The following IQCH variants were observed in gnomAD, a reference collection of about 807,000 sequenced individuals.
IQCH encodes the protein IQ domain-containing protein H.
IQCH carries 98 observed loss-of-function variants against 117.0 expected under a neutral mutation model. The observed-to-expected ratio is 0.84, with a 90% CI of 0.71 to 0.99. IQCH has a LOEUF of 0.99. Among genes scored for constraint, IQCH ranks in the 50% least tolerant of loss-of-function variants. The pLI, the probability that IQCH is intolerant of heterozygous loss-of-function variation, is 0.00. For missense variants in IQCH, 1,102 were observed against 1,243.8 expected (o/e 0.89, Z 1.72); for synonymous variants, 412 against 448.2 (o/e 0.92, Z 1.02).
At position 67,340,337 on chromosome 15, in the gene IQCH, A is replaced by C. The variant is rs186373060; in HGVS notation, c.508+3242A>C. ...CAGCTACTCTGGAGGCTGAGGCATG[A>C]GAATTGCTTGAACCCGGGAGGCAGA... On this transcript the variant is annotated intron_variant, in intron 5 of 20. Coordinates refer to ENST00000335894, the MANE Select transcript of IQCH (RefSeq NM_001031715.3). Among the ~76,000 whole-genome samples the C allele has an allele frequency of 5.8e-3, 856 of 147,668 alleles. 6 individuals carry two copies. The highest frequency in any genetic ancestry group is 0.02 in the African/African-American group (809 of 40,414).
chr15:67,488,489 C>T lies in IQCH; in HGVS notation c.2800-1514C>T, dbSNP rs1004528672. 3.3e-5 allele frequency among the ~76,000 whole-genome samples: 5 copies of T among 152,316 alleles called. No individual in the cohort carries two copies. The South Asian group carries it at 6.2e-4, about 19-fold the overall frequency. ...AAAGGGAAATCAACTGAGCCTTTAT[C>T]AGACTAGACAGAATTTGCTTGTCTA... On this transcript the variant is annotated intron_variant, in intron 18 of 20. Coordinates refer to ENST00000335894, the MANE Select transcript of IQCH (RefSeq NM_001031715.3).
rs2082855329 is a variant in IQCH at position 67,463,603 on chromosome 15, T to C, written c.2506-1524T>C. ...TAGGCTACCACAGAGATCTGAGATA[T>C]TTATGATTCACCCAGCTTCATAAAA... On this transcript the variant is annotated intron_variant, in intron 16 of 20. Coordinates refer to ENST00000335894, the MANE Select transcript of IQCH (RefSeq NM_001031715.3). The surrounding 1 kb of genome is among the most constrained non-coding windows in gnomAD (Gnocchi z 4.0). Among the ~76,000 whole-genome samples, 1 of 152,188 alleles carries C rather than the reference T, an allele frequency of 6.6e-6. No homozygotes were observed. The highest frequency in any genetic ancestry group is 6.5e-5 in the Admixed American group (1 of 15,282).
intron 8 of IQCH, among the ~76,000 whole-genome samples, chr15:67,368,756 T>C (rs972695499): frequency 6.6e-6 from 1 of 152,228 alleles, no homozygotes; most frequent in Admixed American, 6.5e-5. Context: ...ATCCTGCTTG[T>C]ATCTGATTAT....
chr15:67,483,671 C>T (rs945957985), intron 18 of IQCH, among the ~76,000 whole-genome samples: 7 of 152,086 alleles, frequency 4.6e-5, no homozygotes, highest in East Asian at 1.9e-4. Flanking sequence ...GTGATCCGCC[C>T]GCCTCGGCCT....
At chr15:67,326,036 G>A (rs541537275) in intron 4 of IQCH, among the ~76,000 whole-genome samples, 52 of 152,224 alleles carry the variant, frequency 3.4e-4, no homozygotes, top group African/African-American at 1.1e-3. Context: ...TTGCATGTGT[G>A]TGCGTGTGCC....
intron 12 of IQCH, among the ~76,000 whole-genome samples, chr15:67,394,133 C>A (rs1034470003): frequency 9.9e-5 from 15 of 152,140 alleles, no homozygotes; most frequent in Non-Finnish European, 1.9e-4. Context: ...GGAAAACAAT[C>A]TTGGATTATT....
intron 16 of IQCH, among the ~76,000 whole-genome samples, chr15:67,444,033 A>G (rs2082339130): frequency 6.6e-6 from 1 of 152,212 alleles, no homozygotes; most frequent in African/African-American, 2.4e-5. Context: ...CTCTCACAAC[A>G]AATACTGTGG....
At chr15:67,306,092 T>C (rs959053048) in intron 4 of IQCH, among the ~76,000 whole-genome samples, 15 of 152,240 alleles carry the variant, frequency 9.9e-5, no homozygotes, top group African/African-American at 3.6e-4. Context: ...TGTTGGCCTT[T>C]TGATCAAATA....
At chr15:67,444,733 G>C (rs1368367924) in intron 16 of IQCH, among the ~76,000 whole-genome samples, 2 of 152,110 alleles carry the variant, frequency 1.3e-5, no homozygotes, top group Non-Finnish European at 2.9e-5. Flanking sequence ...AACACATATG[G>C]ATATCAAAAT....
rs1328816191 is a variant in IQCH, at chr15:67,342,395, A to AT, written c.509-1662dup. ...CTCTTCTGCTTGTTCGAAAATCTTA[A>AT]TTTTTTCCTTCCAATAGTAGATGGG... On this transcript the variant is annotated intron_variant, in intron 5 of 20. Transcript: ENST00000335894. This position sits in a 1 kb window ranked among gnomAD's most constrained non-coding sequence, Gnocchi z 4.7. Among the ~76,000 whole-genome samples, 2 of 152,016 alleles carry AT rather than the reference A, an allele frequency of 1.3e-5. No individual in the cohort carries two copies. Among genetic ancestry groups the AT allele is most frequent in the East Asian group, 1.9e-4 (1 of 5,186 alleles).
chr15:67,421,715 C>T, intron 16 of IQCH, 138 bp downstream of exon 16: 2 of 856,100 alleles, frequency 2.3e-6, no homozygotes, highest in Admixed American at 2.6e-5. Context: ...AATTCAACAC[C>T]TATATGGCCC....
intron 4 of IQCH, among the ~76,000 whole-genome samples, chr15:67,284,620 C>T (rs558084410): frequency 6.6e-6 from 1 of 152,230 alleles, no homozygotes; most frequent in Admixed American, 6.5e-5. Context: ...TTCCACCCTC[C>T]TCCCTCCAAT....
At chr15:67,392,635 G>A (rs2140848472) in intron 12 of IQCH, among the ~76,000 whole-genome samples, 1 of 151,914 alleles carries the variant, frequency 6.6e-6, no homozygotes, top group African/African-American at 2.4e-5. Context: ...AAATTAGCTG[G>A]GCATGGTGGC....
At chr15:67,478,218 C>G (rs2083253130) in intron 18 of IQCH, among the ~76,000 whole-genome samples, 1 of 151,874 alleles carries the variant, frequency 6.6e-6, no homozygotes, top group Non-Finnish European at 1.5e-5. Context: ...AACTCCGTCT[C>G]TACTGAAAAT....
intron 16 of IQCH, among the ~76,000 whole-genome samples, chr15:67,437,855 A>T (rs2082175116): frequency 6.6e-6 from 1 of 152,168 alleles, no homozygotes; most frequent in Non-Finnish European, 1.5e-5. Context: ...CAAAGAAAAA[A>T]GAATAAGAAA....
chr15:67,409,284 G>A (rs1178541738), intron 14 of IQCH, among the ~76,000 whole-genome samples: 2 of 152,142 alleles, frequency 1.3e-5, no homozygotes, highest in South Asian at 2.1e-4. Context: ...ATTTCAAGAA[G>A]CATTTAATCT....
chr15:67,392,219 C>T (rs1024274105), intron 12 of IQCH, among the ~76,000 whole-genome samples: 3 of 152,214 alleles, frequency 2.0e-5, no homozygotes, highest in Non-Finnish European at 4.4e-5. Context: ...ATCTTGTGAA[C>T]TTACCATGAT....
chr15:67,490,118 C>T lies in IQCH; in HGVS notation c.2861+54C>T, dbSNP rs2083607889. The T allele has an allele frequency of 1.7e-6, 2 of 1,155,842 alleles. No individual in the cohort carries two copies. The highest frequency in any genetic ancestry group is 2.6e-6 in the Non-Finnish European group (2 of 770,640). 71.6% of individuals were successfully genotyped at this position (1,155,842 alleles called of 1,614,324 possible). A position where few individuals can be genotyped will look rare whatever the true frequency, so the allele number is the denominator to read the frequency against. On this transcript the variant is annotated intron_variant, in intron 19 of 20. Coordinates refer to ENST00000335894, the MANE Select transcript of IQCH (RefSeq NM_001031715.3). This position sits in a 1 kb window ranked among gnomAD's most constrained non-coding sequence, Gnocchi z 4.9. ...AATAAGCTAAGGAAATAGACAATCA[C>T]AACTAACAAGAATGATGCTTCTCAT... is the stretch of plus-strand genomic sequence containing the variant.
At chr15:67,439,621 C>T (rs1156519807) in intron 16 of IQCH, among the ~76,000 whole-genome samples, 3 of 152,082 alleles carry the variant, frequency 2.0e-5, no homozygotes, top group Admixed American at 2.0e-4. Flanking sequence ...CGCAGTGGCT[C>T]ATGCCTGTAA....
Sources: gnomAD v4.1 joint callset for allele counts (sites outside exome capture counted in the v4.1 genomes callset) on GRCh38, gnomAD v4.1.1 for gene constraint, Gnocchi (gnomAD v3.1) non-coding constraint, MANE v1.5 for transcripts, NCBI Gene and HGNC (gene_info 2026-07-23, HGNC 2026-07-21) for gene names.